ALPK2: variants seen among roughly 807,000 people sequenced by gnomAD.
ALPK2 encodes alpha-protein kinase 2.
In ALPK2, 127 loss-of-function variants were observed where a neutral mutation model predicts 163.1. That is an observed-to-expected ratio of 0.78 (90% confidence interval 0.67 to 0.90). ALPK2 has a LOEUF of 0.90. ALPK2 is among the 40% of genes least tolerant of loss of function. The pLI is 0.00. For missense variants in ALPK2, 2,360 were observed against 2,589.6 expected (o/e 0.91, Z 1.92); for synonymous variants, 953 against 959.1 (o/e 0.99, Z 0.12).
At chr18:58,602,604 A>G (rs750485049) in intron 3 of ALPK2, among the ~76,000 whole-genome samples, 1 of 151,896 alleles carries the variant, frequency 6.6e-6, no homozygotes, top group Non-Finnish European at 1.5e-5. Flanking sequence ...TTCCCTTTTT[A>G]AAAGTATACC....
At chr18:58,573,993 C>CA (rs1429155527) in intron 4 of ALPK2, among the ~76,000 whole-genome samples, 1 of 152,084 alleles carries the variant, frequency 6.6e-6, no homozygotes, top group Admixed American at 6.5e-5. Flanking sequence ...CTTTGCCTCT[C>CA]AGAGATAGAC....
chr18:58,485,895 G>A (rs72948962), intron 12 of ALPK2, among the ~76,000 whole-genome samples: 12,071 of 152,264 alleles, frequency 0.079, 684 homozygotes, highest in South Asian at 0.12. Context: ...AACAAGTCCC[G>A]GTCATTTGCA....
chr18:58,613,705 AAAAAATAATAAT>A (rs1262351447), intron 1 of ALPK2, among the ~76,000 whole-genome samples: 5 of 83,648 alleles, frequency 6.0e-5, no homozygotes, highest in African/African-American at 1.2e-4. Flanking sequence ...TCTCAAAAAA[AAAAAATAATAAT>A]AATAATAATA....
At chr18:58,538,353 A>G (rs897747689) in intron 4 of ALPK2, 129 bp from the exon 5 acceptor site, 39 of 892,128 alleles carry the variant, frequency 4.4e-5, no homozygotes, top group Non-Finnish European at 6.2e-5. Context: ...AAATCTAAAC[A>G]TTAATCCCCC....
At chr18:58,507,228 G>A (rs562723328) in intron 10 of ALPK2, among the ~76,000 whole-genome samples, 2 of 152,224 alleles carry the variant, frequency 1.3e-5, no homozygotes, top group African/African-American at 4.8e-5. Flanking sequence ...CTTCTGGGAG[G>A]GACCAAGTGA....
At chr18:58,562,889 G>C (rs1414312868) in intron 4 of ALPK2, among the ~76,000 whole-genome samples, 1 of 152,082 alleles carries the variant, frequency 6.6e-6, no homozygotes, top group African/African-American at 2.4e-5. Context: ...TCCTTACAAG[G>C]GTTCTAATCT....
rs781063956 is a variant in ALPK2 at position 58,537,770 on chromosome 18, C to T, written c.2417G>A (p.Cys806Tyr). ...RDREAVCAME[C>Y]FEAGDQGTCF... ...CGTTCCTTGGTCACCAGCCTCAAAA[C>T]ACTCCATTGCACACACTGCTTCTCT... The change falls in exon 5 of 13, where the codon TGT (cysteine) becomes TAT (tyrosine). Residue 806 changes from cysteine (C) to tyrosine (Y), a missense_variant. Cys to Tyr is a radical substitution (Grantham distance 194). Coordinates refer to ENST00000361673, the MANE Select transcript of ALPK2 (RefSeq NM_052947.4). 3 of 1,614,146 alleles carry T rather than the reference C, an allele frequency of 1.9e-6. No individual in the cohort carries two copies. Among genetic ancestry groups the T allele is most frequent in the Non-Finnish European group, 1.7e-6 (2 of 1,180,008 alleles).
At chr18:58,575,848 T>A (rs1188686043) in intron 4 of ALPK2, among the ~76,000 whole-genome samples, 2 of 152,168 alleles carry the variant, frequency 1.3e-5, no homozygotes, top group African/African-American at 4.8e-5. Context: ...AAGATGGCCT[T>A]GCATTCTAAA....
intron 5 of ALPK2, among the ~76,000 whole-genome samples, chr18:58,533,774 T>A (rs1490782775): frequency 6.6e-6 from 1 of 152,162 alleles, no homozygotes; most frequent in Admixed American, 6.5e-5. Context: ...TAAATATGCT[T>A]TAAAATATAG....
chr18:58,595,855 G>A (rs1448005546), intron 3 of ALPK2, among the ~76,000 whole-genome samples: 1 of 152,178 alleles, frequency 6.6e-6, no homozygotes, highest in African/African-American at 2.4e-5. Context: ...AGGGAGCTGG[G>A]ATTTTGCCAT....
At position 58,517,058 on chromosome 18, in the gene ALPK2, G is replaced by A. The variant is rs967856650; in HGVS notation, c.5790C>T (p.His1930=). The A allele has an allele frequency of 3.1e-6, 5 of 1,614,118 alleles. No homozygotes were observed. In the African/African-American group the frequency reaches 6.7e-5, roughly 22 times the overall value. ...TEELHFGEGV[H]RKAFRSTVMH... ...TCACTGTGCTGCGGAAGGCTTTGCG[G>A]TGAACCCCTTCTCCAAAGTGCAGCT... The change falls in exon 9 of 13, where the codon CAC becomes CAT. Residue 1930 remains histidine (H), a synonymous_variant. Coordinates refer to ENST00000361673, the MANE Select transcript of ALPK2 (RefSeq NM_052947.4).
At chr18:58,611,541 G>A in intron 2 of ALPK2, 148 bp downstream of exon 2, 1 of 683,490 alleles carries the variant, frequency 1.5e-6, no homozygotes, top group African/African-American at 1.8e-5. Context: ...ACAAATCATA[G>A]AGGATGGAGT....
chr18:58,582,565 G>GAA (rs35678950), intron 3 of ALPK2, among the ~76,000 whole-genome samples: 27,386 of 134,570 alleles, frequency 0.2, 2,955 homozygotes, highest in East Asian at 0.4. Flanking sequence ...GATTGTTGGC[G>GAA]AAAAAAAAAA....
intron 4 of ALPK2, among the ~76,000 whole-genome samples, chr18:58,541,735 G>A (rs1351747908): frequency 3.3e-5 from 5 of 152,194 alleles, no homozygotes; most frequent in African/African-American, 1.2e-4. Context: ...CTGCTGATAA[G>A]CAATTCCATA....
At chr18:58,582,614 A>T (rs954839620) in intron 3 of ALPK2, among the ~76,000 whole-genome samples, 2 of 152,234 alleles carry the variant, frequency 1.3e-5, no homozygotes, top group African/African-American at 2.4e-5. Flanking sequence ...CTTTGAGCCA[A>T]ATATGAGTGA....
Position 58,536,637 on chromosome 18 carries a change from C to G in ALPK2, c.3550G>C (p.Gly1184Arg). The G allele has an allele frequency of 1.2e-6, 2 of 1,614,212 alleles. No homozygotes were observed. Among genetic ancestry groups the G allele is most frequent in the Non-Finnish European group, 1.7e-6 (2 of 1,180,036 alleles). ...HSPASSREGAGQRSGWGTRVS... is the reference protein window; with the variant it reads ...HSPASSREGARQRSGWGTRVS... ...CTCGTCCCCCAACCTGAGCGCTGCC[C>G]TGCTCCTTCCCTAGAGCTTGCGGGT... The change falls in exon 5 of 13, where the codon GGG (glycine) becomes CGG (arginine). Residue 1184 changes from glycine to arginine, a missense_variant. Coordinates refer to ENST00000361673, the MANE Select transcript of ALPK2 (RefSeq NM_052947.4).
chr18:58,565,943 C>T (rs900095947), intron 4 of ALPK2, among the ~76,000 whole-genome samples: 69 of 152,060 alleles, frequency 4.5e-4, no homozygotes, highest in African/African-American at 1.6e-3. Context: ...CACCACGCCC[C>T]GGCTAATTTT....
At position 58,598,298 on chromosome 18, in the gene ALPK2, G is replaced by A. The variant is rs750702008; in HGVS notation, c.227+9024C>T. On this transcript the variant is annotated intron_variant, in intron 3 of 12. Transcript: ENST00000361673. The stretch of plus-strand genomic sequence containing the variant: ...AGCCTGGTGTCTCATGGAATGTACT[G>A]AGACTGGCTCAGCATTGTGGGATTC... Among the ~76,000 whole-genome samples, 101 of 152,262 alleles carry A rather than the reference G, an allele frequency of 6.6e-4. 3 individuals carry two copies. Among genetic ancestry groups the A allele is most frequent in the Non-Finnish European group, 2.2e-4 (15 of 68,036 alleles).
chr18:58,623,301 G>A (rs1166834745), intron 1 of ALPK2, among the ~76,000 whole-genome samples: 1 of 151,842 alleles, frequency 6.6e-6, no homozygotes, highest in Non-Finnish European at 1.5e-5. Flanking sequence ...CATACTCCTG[G>A]GCTCAAGCAA....
Sources: gnomAD v4.1 joint callset for allele counts (sites outside exome capture counted in the v4.1 genomes callset) on GRCh38, gnomAD v4.1.1 for gene constraint, MANE v1.5 for transcripts, NCBI Gene and HGNC (gene_info 2026-07-23, HGNC 2026-07-21) for gene names.